The following MPP2 variants were observed in gnomAD, a reference collection of about 807,000 sequenced individuals.
The protein encoded by MPP2 is MAGUK p55 subfamily member 2.
Under a neutral mutation model 58.5 loss-of-function variants are expected in MPP2, and 42 were observed. That is an observed-to-expected ratio of 0.72 (90% confidence interval 0.56 to 0.93). The LOEUF (loss-of-function observed/expected upper bound fraction) is 0.93. MPP2 is among the 40% of genes least tolerant of loss of function. MPP2 has a pLI of 0.00. For missense variants in MPP2, 632 were observed against 760.4 expected (o/e 0.83, Z 1.99); for synonymous variants, 300 against 307.8 (o/e 0.97, Z 0.26).
upstream of MPP2, among the ~76,000 whole-genome samples, chr17:43,908,571 C>CA (rs1305644323): frequency 6.6e-6 from 1 of 152,102 alleles, no homozygotes; most frequent in Non-Finnish European, 1.5e-5. Flanking sequence ...CCCATCGCTA[C>CA]AAAAAATAAA....
intron 3 of MPP2, among the ~76,000 whole-genome samples, chr17:43,890,827 T>C (rs1044460336): frequency 2.0e-5 from 3 of 150,906 alleles, no homozygotes; most frequent in Non-Finnish European, 4.4e-5. Flanking sequence ...GAAAGGGGTC[T>C]GGCCATCCCA....
intron 3 of MPP2, among the ~76,000 whole-genome samples, chr17:43,885,028 A>G (rs2047307401): frequency 6.6e-6 from 1 of 151,494 alleles, no homozygotes; most frequent in African/African-American, 2.4e-5. Context: ...AGGCTGAGGC[A>G]GGAGAACCGC....
chr17:43,883,998 G>T (rs1322549235), intron 3 of MPP2: 7 of 665,334 alleles, frequency 1.1e-5, no homozygotes, highest in Non-Finnish European at 1.9e-5. Context: ...AGGAAGAAAA[G>T]AATTCCATTT....
chr17:43,899,509 C>A (rs374177860), intron 2 of MPP2, among the ~76,000 whole-genome samples: 115 of 152,290 alleles, frequency 7.6e-4, no homozygotes, highest in African/African-American at 2.5e-3. Flanking sequence ...GTCTTTCCTG[C>A]CTGTAAAATG....
chr17:43,900,557 G>A (rs1342975355), intron 2 of MPP2: 3 of 1,544,912 alleles, frequency 1.9e-6, no homozygotes, highest in Non-Finnish European at 8.7e-7. Context: ...TGCCATGGCG[G>A]CCCCCAGACC....
chr17:43,878,077 A>G, intron 12 of MPP2, 94 bp from the exon 13 acceptor site: 3 of 1,370,890 alleles, frequency 2.2e-6, no homozygotes, highest in Non-Finnish European at 3.0e-6. Context: ...CCCCCTCCCC[A>G]AAGCCCAACC....
At chr17:43,908,352 C>T (rs565743140), upstream of MPP2, among the ~76,000 whole-genome samples, 59 of 152,336 alleles carry the variant, frequency 3.9e-4, no homozygotes, top group Middle Eastern at 3.4e-3. Flanking sequence ...TCTCCGACCT[C>T]GGCGTTCAGC....
At chr17:43,905,204 TAA>T (rs1222486812) in intron 1 of MPP2, among the ~76,000 whole-genome samples, 4 of 151,712 alleles carry the variant, frequency 2.6e-5, no homozygotes, top group South Asian at 2.1e-4. Flanking sequence ...TAAAAAATAA[TAA>T]AAGAGTCCAG....
At position 43,880,794 on chromosome 17, in the gene MPP2, G is replaced by A; in HGVS notation, c.1047C>T (p.Arg349=). Residue 349 remains arginine, a synonymous_variant, in exon 10 of 13, where the codon CGC becomes CGT. Coordinates refer to ENST00000269095, the MANE Select transcript of MPP2 (RefSeq NM_005374.5). This position sits in a 1 kb window ranked among gnomAD's most constrained non-coding sequence, Gnocchi z 5.2. ...YEEVARMPPF[R]RKTLVLIGAQ... is the part of the protein sequence containing the mutation. ...CCCCAATCAGTACCAGGGTTTTCCG[G>A]CGGAACGGGGGCATGCGGGCCACCT... is the stretch of plus-strand genomic sequence containing the variant. 3.1e-6 allele frequency: 5 copies of A among 1,613,668 alleles called. No homozygotes were observed. The African/African-American group carries it at 5.3e-5, about 17-fold the overall frequency.
At chr17:43,890,533 C>T (rs1298136918) in intron 3 of MPP2, among the ~76,000 whole-genome samples, 2 of 152,188 alleles carry the variant, frequency 1.3e-5, no homozygotes, top group African/African-American at 4.8e-5. Context: ...CCACTCCAAC[C>T]CCCCGATCAT....
At position 43,878,000 on chromosome 17, in the gene MPP2, G is replaced by T; in HGVS notation, c.1483-17C>A. The T allele has an allele frequency of 6.2e-7, 1 of 1,607,052 alleles. No homozygotes were observed. On this transcript the variant is annotated splice_polypyrimidine_tract_variant and intron_variant, in intron 12 of 12. Coordinates refer to ENST00000269095, the MANE Select transcript of MPP2 (RefSeq NM_005374.5). ...GTCCGCCTCCTGCCCAGGCACAAGG[G>T]GACCTCCCTACAGTCAGTGCCCACA... is the stretch of plus-strand genomic sequence containing the variant.
chr17:43,903,938 T>C (rs1567906550), intron 2 of MPP2, among the ~76,000 whole-genome samples: 1 of 152,150 alleles, frequency 6.6e-6, no homozygotes, highest in Non-Finnish European at 1.5e-5. Flanking sequence ...CTGGTATTCT[T>C]GTTCCTTCAC....
chr17:43,877,750 G>C lies in MPP2; in HGVS notation c.*57C>G, dbSNP rs567979372. 369 of 1,464,512 alleles carry C rather than the reference G, an allele frequency of 2.5e-4. 9 individuals carry two copies. The South Asian group carries it at 3.6e-3, about 14-fold the overall frequency. 90.7% of individuals were successfully genotyped at this position (1,464,512 alleles called of 1,614,324 possible). ...GCAGGGGGTCACAGGTCAGGAGGGG[G>C]ATGGATTCAGGTTCTGGGTTTCAAC... On this transcript the variant is annotated 3_prime_UTR_variant, in exon 13 of 13. Coordinates refer to ENST00000269095, the MANE Select transcript of MPP2 (RefSeq NM_005374.5).
At chr17:43,885,115 T>A (rs1597773800) in intron 3 of MPP2, among the ~76,000 whole-genome samples, 1 of 109,744 alleles carries the variant, frequency 9.1e-6, no homozygotes, top group Non-Finnish European at 1.8e-5. Flanking sequence ...AGAGCAAAAC[T>A]CCAGCTCAAA....
At chr17:43,907,568 G>A (rs1034051569), upstream of MPP2, 1 of 985,522 alleles carries the variant, frequency 1.0e-6, no homozygotes. Flanking sequence ...CTCTTAAAGC[G>A]GCAAGGCCTC....
At position 43,876,076 on chromosome 17, in the gene MPP2, T is replaced by C. The variant is rs1488058826; in HGVS notation, c.*1731A>G. 2 of 152,396 alleles carry C rather than the reference T, an allele frequency of 1.3e-5. No individual in the cohort carries two copies. Among genetic ancestry groups the C allele is most frequent in the African/African-American group, 4.8e-5 (2 of 41,378 alleles). 9.4% of individuals were successfully genotyped at this position (152,396 alleles called of 1,614,324 possible). ...TATACGCAGAGCCACACCAACGAGA[T>C]GGGGGCAGGCCTGGCCTTTCCACCC... On this transcript the variant is annotated 3_prime_UTR_variant, in exon 13 of 13. Transcript: ENST00000269095.
intron 1 of MPP2, 33 bp downstream of exon 1, chr17:43,907,441 T>A (rs1016973723): frequency 1.0e-6 from 1 of 985,596 alleles, no homozygotes; most frequent in African/African-American, 1.7e-5. Flanking sequence ...GGTCTTGGGA[T>A]AGGAGCTGGC....
At chr17:43,899,998 C>A (rs2048020443) in intron 2 of MPP2, among the ~76,000 whole-genome samples, 1 of 152,172 alleles carries the variant, frequency 6.6e-6, no homozygotes, top group Non-Finnish European at 1.5e-5. Context: ...GCACCCCTGG[C>A]GCCTCTCAAT....
upstream of MPP2, chr17:43,908,044 T>C (rs745936477): frequency 9.2e-5 from 83 of 907,022 alleles, no homozygotes; most frequent in Non-Finnish European, 1.0e-4. Flanking sequence ...GATATCCGGA[T>C]TCCAGACTTT....
Sources: allele counts gnomAD v4.1 joint callset (sites outside exome capture counted in the v4.1 genomes callset), GRCh38; gene constraint gnomAD v4.1.1; non-coding constraint Gnocchi (gnomAD v3.1); transcripts MANE v1.5; gene names NCBI Gene and HGNC (gene_info 2026-07-23, HGNC 2026-07-21).